The following PYY variants were observed in gnomAD, a reference collection of about 807,000 sequenced individuals.
PYY encodes the protein peptide YY.
PYY carries 12 observed loss-of-function variants against 10.3 expected under a neutral mutation model. That is an observed-to-expected ratio of 1.17 (90% CI 0.75 to 1.89). The LOEUF is 1.89. PYY is among the 40% of genes most tolerant of loss of function. The pLI is 0.00. For synonymous variants in PYY, 66 were observed against 62.0 expected (o/e 1.06, Z -0.30); for missense variants, 141 against 134.0 (o/e 1.05, Z -0.26).
chr17:44,002,196 C>CG (rs2049032424), intron 1 of PYY, among the ~76,000 whole-genome samples: 5 of 152,150 alleles, frequency 3.3e-5, no homozygotes, highest in Non-Finnish European at 4.4e-5. Flanking sequence ...AGAGTCTCCC[C>CG]CCCGGGACAG....
At chr17:43,989,009 G>T (rs1262091363) in intron 1 of PYY, among the ~76,000 whole-genome samples, 1 of 151,528 alleles carries the variant, frequency 6.6e-6, no homozygotes, top group African/African-American at 2.4e-5. Flanking sequence ...TGATCTGCCC[G>T]CCTCAGCCTC....
chr17:43,974,198 G>A (rs2048814364), intron 1 of PYY, among the ~76,000 whole-genome samples: 1 of 151,910 alleles, frequency 6.6e-6, no homozygotes, highest in South Asian at 2.1e-4. Flanking sequence ...TAAAGGTATC[G>A]TGGGTGTGTC....
upstream of PYY, among the ~76,000 whole-genome samples, chr17:43,955,939 G>T (rs1027167158): frequency 3.3e-5 from 5 of 151,942 alleles, no homozygotes; most frequent in Admixed American, 2.6e-4. Flanking sequence ...AGAGTAGGGG[G>T]CTATTTGCTC....
At chr17:43,965,459 C>T (rs952719908) in intron 2 of PYY, among the ~76,000 whole-genome samples, 14 of 145,580 alleles carry the variant, frequency 9.6e-5, no homozygotes, top group Admixed American at 4.9e-4. Context: ...CCAGCCTGGG[C>T]GACGGAGTGA....
At position 43,960,172 on chromosome 17, in the gene PYY, A is replaced by T. The variant is rs150808749; in HGVS notation, c.-217-2144T>A. The stretch of plus-strand genomic sequence containing the variant: ...AAGAAACCAAGCTGGTAGCCAGGGG[A>T]TAGGGTGCCTCTGATCTACAAGGAG... On this transcript the variant is annotated intron_variant, in intron 2 of 6. Coordinates refer to the PYY transcript ENST00000360085. Among the ~76,000 whole-genome samples, 305 of 152,296 alleles carry T rather than the reference A, an allele frequency of 2.0e-3. 2 individuals carry two copies. The highest frequency in any genetic ancestry group is 7.1e-3 in the African/African-American group (294 of 41,546).
intron 1 of PYY, among the ~76,000 whole-genome samples, chr17:43,993,084 A>G (rs2048968623): frequency 1.3e-5 from 2 of 152,000 alleles, no homozygotes; most frequent in African/African-American, 2.4e-5. Context: ...GAGGCCAAGG[A>G]GGGTGGAATG....
chr17:43,993,640 G>A (rs1452472595), intron 1 of PYY, among the ~76,000 whole-genome samples: 2 of 151,248 alleles, frequency 1.3e-5, no homozygotes, highest in East Asian at 1.9e-4. Context: ...AAAAAAAAAT[G>A]CTGTGACATA....
chr17:43,983,086 G>C (rs1410792678), intron 1 of PYY, among the ~76,000 whole-genome samples: 1 of 152,148 alleles, frequency 6.6e-6, no homozygotes, highest in African/African-American at 2.4e-5. Flanking sequence ...ATAAAAATGA[G>C]CCGGGTGTGG....
chr17:43,969,617 G>A, intron 1 of PYY, among the ~76,000 whole-genome samples: 1 of 151,614 alleles, frequency 6.6e-6, no homozygotes, highest in South Asian at 2.1e-4. Flanking sequence ...AATACTCTTA[G>A]GCCAGGCTGG....
chr17:43,993,183 G>A (rs2048969115), intron 1 of PYY, among the ~76,000 whole-genome samples: 1 of 152,132 alleles, frequency 6.6e-6, no homozygotes, highest in Admixed American at 6.6e-5. Context: ...GGCATGGGCT[G>A]GGTGCTGTGG....
rs771633758 is a variant in PYY, at chr17:43,953,488, G to A, written c.1-5C>T. On this transcript the variant is annotated splice_region_variant and splice_polypyrimidine_tract_variant and intron_variant, in intron 1 of 3. Coordinates refer to ENST00000692052, the MANE Select transcript of PYY (RefSeq NM_001394028.1). ...CGGCCTGCGCACGAACACCATCTGG[G>A]AAGGCGACATTGGGACGTGGGTCAT... 21 of 1,585,804 alleles carry A rather than the reference G, an allele frequency of 1.3e-5. 1 individual carries two copies. Among genetic ancestry groups the A allele is most frequent in the African/African-American group, 4.0e-5 (3 of 74,162 alleles).
intron 1 of PYY, among the ~76,000 whole-genome samples, chr17:43,989,057 C>T (rs1275957291): frequency 9.4e-5 from 5 of 53,444 alleles, no homozygotes; most frequent in East Asian, 1.2e-3. Context: ...CCACCGCACC[C>T]GGCCCTAGCA....
At chr17:43,986,194 G>A (rs1164737102) in intron 1 of PYY, among the ~76,000 whole-genome samples, 1 of 152,144 alleles carries the variant, frequency 6.6e-6, no homozygotes, top group African/African-American at 2.4e-5. Context: ...GGGAGGCGGG[G>A]GTTGCAGTGA....
At chr17:43,991,431 C>CAAAT (rs930673294) in intron 1 of PYY, among the ~76,000 whole-genome samples, 3 of 151,426 alleles carry the variant, frequency 2.0e-5, no homozygotes, top group Admixed American at 6.6e-5. Flanking sequence ...AATTCCATCT[C>CAAAT]AAATAAATAA....
upstream of PYY, among the ~76,000 whole-genome samples, chr17:43,955,208 A>G (rs1428735779): frequency 6.6e-6 from 1 of 152,150 alleles, no homozygotes; most frequent in Non-Finnish European, 1.5e-5. Flanking sequence ...AGGAGGAGAA[A>G]GGGCTGTGGG....
In PYY at chr17:43,952,845, C is replaced by T; in HGVS notation, c.*111G>A. ...CGCGGGCGGAGGGCCGCACCCGAAC[C>T]CTGCCCAGACGCCGCCGTCGGGAGG... On this transcript the variant is annotated 3_prime_UTR_variant, in exon 4 of 4. Coordinates refer to ENST00000692052, the MANE Select transcript of PYY (RefSeq NM_001394028.1). 7.8e-7 allele frequency: 1 copy of T among 1,289,284 alleles called. No homozygotes were observed. Among genetic ancestry groups the T allele is most frequent in the Admixed American group, 2.7e-5 (1 of 37,628 alleles). The allele number at this position is 1,289,284 out of a possible 1,614,324, so 79.9% of individuals were successfully genotyped here.
At chr17:43,953,719 C>T (rs1007107786) in intron 1 of PYY, 131 bp downstream of exon 1, 2 of 395,180 alleles carry the variant, frequency 5.1e-6, no homozygotes, top group Non-Finnish European at 8.9e-6. Context: ...CCGCTGCTGG[C>T]CTCCTTCCCA....
chr17:43,977,501 G>A (rs890883513), intron 1 of PYY, among the ~76,000 whole-genome samples: 4 of 152,096 alleles, frequency 2.6e-5, no homozygotes, highest in African/African-American at 4.8e-5. Flanking sequence ...CGCTGCAGGT[G>A]TTCCGGCACC....
At chr17:43,976,282 C>CACACAT (rs1491439269) in intron 1 of PYY, among the ~76,000 whole-genome samples, 4 of 99,364 alleles carry the variant, frequency 4.0e-5, no homozygotes, top group Admixed American at 9.8e-5. Flanking sequence ...CGTATATATA[C>CACACAT]GCATATGTAT....
Sources: gnomAD v4.1 joint callset for allele counts (sites outside exome capture counted in the v4.1 genomes callset) on GRCh38, gnomAD v4.1.1 for gene constraint, MANE v1.5 for transcripts, NCBI Gene and HGNC (gene_info 2026-07-23, HGNC 2026-07-21) for gene names.